IFT43: variants seen among roughly 807,000 people sequenced by gnomAD.
IFT43 encodes intraflagellar transport protein 43 homolog.
IFT43 carries 33 observed loss-of-function variants against 32.3 expected under a neutral mutation model. The ratio of observed to expected loss-of-function variants is 1.02; its 90% CI spans 0.77 to 1.37. The LOEUF is 1.37. IFT43 is among the 40% of genes most tolerant of loss of function. The probability of loss-of-function intolerance (pLI) is 0.00; values close to 1 mark genes in which losing one functional copy is unlikely to be tolerated. For synonymous variants in IFT43, 93 were observed against 98.2 expected, an observed-to-expected ratio of 0.95 and a Z score of 0.31; for missense variants, 274 against 265.9, an observed-to-expected ratio of 1.03 and a Z score of -0.21.
chr14:76,048,516 A>G (rs978835909), intron 3 of IFT43, among the ~76,000 whole-genome samples: 1 of 152,150 alleles, frequency 6.6e-6, no homozygotes, highest in African/African-American at 2.4e-5. Context: ...CATCACACCT[A>G]CTTCTTTCCT....
intron 3 of IFT43, among the ~76,000 whole-genome samples, chr14:76,039,962 T>C (rs965803338): frequency 2.6e-5 from 4 of 152,220 alleles, no homozygotes; most frequent in Non-Finnish European, 5.9e-5. Flanking sequence ...AGAGCTTCTT[T>C]TCTTTTTTAC....
intron 7 of IFT43, among the ~76,000 whole-genome samples, chr14:76,082,951 C>T (rs1406355613): frequency 1.3e-5 from 2 of 152,220 alleles, no homozygotes; most frequent in African/African-American, 4.8e-5. Flanking sequence ...TGGCACCCCA[C>T]TCCCCTCTGT....
chr14:76,083,006 C>T (rs2037540860), intron 7 of IFT43, among the ~76,000 whole-genome samples: 1 of 152,172 alleles, frequency 6.6e-6, no homozygotes, highest in Non-Finnish European at 1.5e-5. Flanking sequence ...CTGGTATGGT[C>T]CTTTGCCCCA....
chr14:76,071,221 G>C (rs1159087875), intron 5 of IFT43, among the ~76,000 whole-genome samples: 3 of 152,150 alleles, frequency 2.0e-5, no homozygotes, highest in Non-Finnish European at 2.9e-5. Flanking sequence ...TTAAATGTTG[G>C]TCTGTTTACA....
At chr14:75,998,462 C>A (rs963341158) in intron 2 of IFT43, among the ~76,000 whole-genome samples, 5 of 152,070 alleles carry the variant, frequency 3.3e-5, no homozygotes, top group Admixed American at 6.6e-5. Flanking sequence ...CGGAAGTGGA[C>A]GAACAGACAG....
chr14:76,030,952 T>C (rs2036499205), intron 3 of IFT43, among the ~76,000 whole-genome samples: 1 of 151,278 alleles, frequency 6.6e-6, no homozygotes, highest in African/African-American at 2.4e-5. Flanking sequence ...CCATCCCATA[T>C]AGGCAGTTTC....
chr14:76,027,448 C>T (rs986453926), intron 3 of IFT43, among the ~76,000 whole-genome samples: 1 of 152,062 alleles, frequency 6.6e-6, no homozygotes, highest in Non-Finnish European at 1.5e-5. Flanking sequence ...CTCGGCCGGG[C>T]GCAGTGGCTC....
intron 2 of IFT43, among the ~76,000 whole-genome samples, chr14:76,011,671 C>T (rs1015947521): frequency 6.6e-6 from 1 of 152,078 alleles, no homozygotes; most frequent in Non-Finnish European, 1.5e-5. Flanking sequence ...ATAGACTTTG[C>T]GTTTTGATAT....
At chr14:76,070,704 C>T in intron 5 of IFT43, among the ~76,000 whole-genome samples, 1 of 152,084 alleles carries the variant, frequency 6.6e-6, no homozygotes, top group Non-Finnish European at 1.5e-5. Flanking sequence ...TGGTTTGGCA[C>T]CATCCCCTTG....
chr14:76,077,995 G>T (rs908589323), intron 5 of IFT43, among the ~76,000 whole-genome samples: 1 of 152,188 alleles, frequency 6.6e-6, no homozygotes, highest in Non-Finnish European at 1.5e-5. Flanking sequence ...TAGATTAAAT[G>T]CATTGTGGAG....
chr14:76,021,690 A>G (rs552337131), intron 2 of IFT43, among the ~76,000 whole-genome samples: 11 of 152,230 alleles, frequency 7.2e-5, no homozygotes, highest in Non-Finnish European at 1.5e-4. Context: ...CTCAAAAATA[A>G]CATTATATTC....
At chr14:75,999,282 T>TATATATATATATATATATA (rs1491301918) in intron 2 of IFT43, among the ~76,000 whole-genome samples, 1 of 26,546 alleles carries the variant, frequency 3.8e-5, no homozygotes, top group Non-Finnish European at 6.5e-5. Flanking sequence ...TGTATATATA[T>TATATATATATATATATATA]TTTTTTTTTT....
intron 2 of IFT43, among the ~76,000 whole-genome samples, chr14:76,007,813 T>C (rs975159350): frequency 4.6e-5 from 7 of 152,120 alleles, no homozygotes; most frequent in Non-Finnish European, 8.8e-5. Context: ...GAAAGGTATA[T>C]AGACCCAAGA....
At chr14:76,030,554 A>T (rs2036491770) in intron 3 of IFT43, among the ~76,000 whole-genome samples, 2 of 152,132 alleles carry the variant, frequency 1.3e-5, no homozygotes, top group African/African-American at 4.8e-5. Context: ...AACACATTTT[A>T]AAAAATACGC....
At chr14:76,047,173 A>G (rs570491580) in intron 3 of IFT43, among the ~76,000 whole-genome samples, 2 of 152,316 alleles carry the variant, frequency 1.3e-5, no homozygotes, top group East Asian at 3.9e-4. Context: ...GGGGCCACAT[A>G]TATTCAAACC....
At chr14:76,007,082 C>T (rs2035993971) in intron 2 of IFT43, among the ~76,000 whole-genome samples, 1 of 152,130 alleles carries the variant, frequency 6.6e-6, no homozygotes, top group Non-Finnish European at 1.5e-5. Context: ...TGGTCTTGAA[C>T]TCCTGAGCTC....
intron 2 of IFT43, among the ~76,000 whole-genome samples, chr14:75,990,354 C>T (rs1193853324): frequency 6.6e-6 from 1 of 152,202 alleles, no homozygotes; most frequent in African/African-American, 2.4e-5. Flanking sequence ...TGGATTTGGT[C>T]CAAGGATTGT....
At chr14:76,041,431 G>A (rs746983593) in intron 3 of IFT43, among the ~76,000 whole-genome samples, 13 of 152,204 alleles carry the variant, frequency 8.5e-5, no homozygotes, top group Non-Finnish European at 1.8e-4. Context: ...AGAGTAGAAA[G>A]TTAGAGCCAG....
chr14:76,006,787 T>G (rs1264783514), intron 2 of IFT43, among the ~76,000 whole-genome samples: 1 of 152,054 alleles, frequency 6.6e-6, no homozygotes, highest in Non-Finnish European at 1.5e-5. Flanking sequence ...ATTAACAGTT[T>G]ATGAAATCCA....
Sources: gnomAD v4.1 joint callset for allele counts (sites outside exome capture counted in the v4.1 genomes callset) on GRCh38, gnomAD v4.1.1 for gene constraint, MANE v1.5 for transcripts, NCBI Gene and HGNC (gene_info 2026-07-23, HGNC 2026-07-21) for gene names.